TMEM51: variants seen among roughly 807,000 people sequenced by gnomAD.
TMEM51 encodes chromosome 1 open reading frame 72.
A neutral mutation model predicts 13.6 loss-of-function variants in TMEM51; 8 were observed. That is an observed-to-expected ratio of 0.59 (90% CI 0.35 to 1.07). The LOEUF (loss-of-function observed/expected upper bound fraction) is 1.07. TMEM51 is among the 50% of genes least tolerant of loss of function. TMEM51 has a pLI of 0.02. For missense variants in TMEM51, 279 were observed against 330.7 expected (o/e 0.84, Z 1.21); for synonymous variants, 147 against 144.4 (o/e 1.02, Z -0.13).
upstream of TMEM51, among the ~76,000 whole-genome samples, chr1:15,153,389 T>A (rs1383115081): frequency 2.0e-5 from 3 of 151,946 alleles, no homozygotes; most frequent in Non-Finnish European, 2.9e-5. Context: ...CCACCACCCG[T>A]CACACACACG....
rs1644502375 is a variant in TMEM51, at chr1:15,220,397, GAAGA to G, written c.*661_*664del. The G allele has an allele frequency of 6.7e-6, 1 of 148,508 alleles. No homozygotes were observed. Among genetic ancestry groups the G allele is most frequent in the Non-Finnish European group, 1.5e-5 (1 of 67,098 alleles). 9.2% of individuals were successfully genotyped at this position (148,508 alleles called of 1,614,324 possible). A position where few individuals can be genotyped will look rare whatever the true frequency, so the allele number is the denominator to read the frequency against. On this transcript the variant is annotated 3_prime_UTR_variant, in exon 4 of 4. Coordinates refer to ENST00000376008, the MANE Select transcript of TMEM51 (RefSeq NM_001136218.2). The stretch of plus-strand genomic sequence containing the variant: ...ACAGCAAAAAAAAAAAAAAAAAGAA[GAAGA>G]AAGAAAACTGTAGGAAATGTTCTTT...
At chr1:15,219,280 C>T in intron 3 of TMEM51, 46 bp from the exon 4 acceptor site, 1 of 1,524,206 alleles carries the variant, frequency 6.6e-7, no homozygotes, top group Non-Finnish European at 8.8e-7. Flanking sequence ...TTTTGAATGA[C>T]TTGAGCACAG....
intron 1 of TMEM51, among the ~76,000 whole-genome samples, chr1:15,160,665 A>G (rs974983661): frequency 5.9e-5 from 9 of 152,068 alleles, no homozygotes; most frequent in Non-Finnish European, 1.0e-4. Flanking sequence ...ACTGCCTGCA[A>G]TTTGGAGAGA....
intron 1 of TMEM51, among the ~76,000 whole-genome samples, chr1:15,204,941 C>T (rs1435758714): frequency 6.6e-6 from 1 of 152,104 alleles, no homozygotes; most frequent in Non-Finnish European, 1.5e-5. Context: ...TGGCCAGAAC[C>T]TGGAGAAGGT....
chr1:15,203,495 T>A (rs1472222285), intron 1 of TMEM51, among the ~76,000 whole-genome samples: 1 of 151,984 alleles, frequency 6.6e-6, no homozygotes, highest in African/African-American at 2.4e-5. Context: ...ACTCCTGACC[T>A]CATGATCCAC....
chr1:15,198,453 G>A (rs1644092703), intron 1 of TMEM51, among the ~76,000 whole-genome samples: 1 of 152,062 alleles, frequency 6.6e-6, no homozygotes, highest in African/African-American at 2.4e-5. Flanking sequence ...GTCTCACTGT[G>A]TTGCCCAGGC....
intron 1 of TMEM51, among the ~76,000 whole-genome samples, chr1:15,170,102 T>G (rs1178192674): frequency 6.6e-6 from 1 of 151,366 alleles, no homozygotes; most frequent in East Asian, 1.9e-4. Flanking sequence ...CAACTATAAA[T>G]GTACTTAAAA....
chr1:15,214,200 GGGAAGAGAGAGACTCACCACGGT>G (rs976835285), intron 2 of TMEM51, among the ~76,000 whole-genome samples: 6 of 152,168 alleles, frequency 3.9e-5, no homozygotes, highest in African/African-American at 1.4e-4. Flanking sequence ...ATGTGGTCAT[GGGAAGAGAGAGACTCACCACGGT>G]GGTTGCTGGA....
chr1:15,186,721 T>C (rs1036027607), intron 1 of TMEM51, among the ~76,000 whole-genome samples: 10 of 152,082 alleles, frequency 6.6e-5, no homozygotes, highest in African/African-American at 1.2e-4. Context: ...TGCTAGGCCA[T>C]AGGGAGCCAT....
chr1:15,171,387 G>A, intron 1 of TMEM51: 4 of 1,223,328 alleles, frequency 3.3e-6, no homozygotes, highest in Non-Finnish European at 4.2e-6. Flanking sequence ...AAAGGAAGGT[G>A]GAAGAGTTGC....
chr1:15,196,443 G>A (rs951715478), intron 1 of TMEM51, among the ~76,000 whole-genome samples: 1 of 152,120 alleles, frequency 6.6e-6, no homozygotes, highest in Admixed American at 6.5e-5. Context: ...AGAGAGAGGG[G>A]GAGGGAGAGA....
intron 1 of TMEM51, among the ~76,000 whole-genome samples, chr1:15,210,176 G>C (rs571507265): frequency 6.6e-6 from 1 of 152,180 alleles, no homozygotes; most frequent in South Asian, 2.1e-4. Flanking sequence ...TTGGTGTCAA[G>C]GTATATACAT....
At chr1:15,213,614 C>A (rs1348548343) in intron 2 of TMEM51, among the ~76,000 whole-genome samples, 1 of 152,202 alleles carries the variant, frequency 6.6e-6, no homozygotes, top group African/African-American at 2.4e-5. Context: ...TCTCAACCAA[C>A]AAATGCTGTG....
intron 1 of TMEM51, among the ~76,000 whole-genome samples, chr1:15,156,760 G>A (rs1642605376): frequency 6.6e-6 from 1 of 152,144 alleles, no homozygotes. Context: ...GAGGGGATGG[G>A]ACTTACCCAA....
intron 1 of TMEM51, among the ~76,000 whole-genome samples, chr1:15,198,752 G>GA (rs1316749280): frequency 2.0e-5 from 3 of 152,128 alleles, no homozygotes; most frequent in Non-Finnish European, 4.4e-5. Context: ...CCGACCAAAT[G>GA]AAAACATCAG....
At chr1:15,173,688 A>AC (rs1553199215) in intron 1 of TMEM51, among the ~76,000 whole-genome samples, 1 of 150,712 alleles carries the variant, frequency 6.6e-6, no homozygotes, top group African/African-American at 2.4e-5. Flanking sequence ...AAAAAAAAAA[A>AC]ACACAAACAA....
chr1:15,168,392 T>C, intron 1 of TMEM51: 22 of 1,205,040 alleles, frequency 1.8e-5, no homozygotes, highest in Non-Finnish European at 2.3e-5. Context: ...GGAAGGACTG[T>C]AGAGGCAATC....
chr1:15,168,374 A>AG, intron 1 of TMEM51: 1 of 1,125,386 alleles, frequency 8.9e-7, no homozygotes, highest in Non-Finnish European at 1.1e-6. Flanking sequence ...GGGGAAGAAA[A>AG]GAAGGAAGGA....
chr1:15,168,703 C>G, intron 1 of TMEM51: 1 of 1,304,340 alleles, frequency 7.7e-7, no homozygotes, highest in Non-Finnish European at 1.0e-6. Flanking sequence ...ACTGTCTCTC[C>G]CAGGGTGAGC....
Sources: gnomAD v4.1 joint callset for allele counts (sites outside exome capture counted in the v4.1 genomes callset) on GRCh38, gnomAD v4.1.1 for gene constraint, MANE v1.5 for transcripts, NCBI Gene and HGNC (gene_info 2026-07-23, HGNC 2026-07-21) for gene names.